ADCY1: variants seen among roughly 807,000 people sequenced by gnomAD.
ADCY1 encodes adenylate cyclase type 1.
Under a neutral mutation model 105.4 loss-of-function variants are expected in ADCY1, and 28 were observed. The ratio of observed to expected loss-of-function variants is 0.27; its 90% CI spans 0.20 to 0.36. The LOEUF (loss-of-function observed/expected upper bound fraction) is 0.36. Among genes scored for constraint, ADCY1 ranks in the 10% least tolerant of loss-of-function variants. The pLI, the probability that ADCY1 is intolerant of heterozygous loss-of-function variation, is 1.00. For synonymous variants in ADCY1, 655 were observed against 623.8 expected (o/e 1.05, Z -0.75); for missense variants, 977 against 1,434.2 (o/e 0.68, Z 5.15).
chr7:45,614,152 T>G (rs962149551), intron 3 of ADCY1, among the ~76,000 whole-genome samples: 6 of 152,172 alleles, frequency 3.9e-5, no homozygotes, highest in African/African-American at 1.2e-4. Context: ...AAATCACTTT[T>G]TATTCTAGCA....
At position 45,660,657 on chromosome 7, in the gene ADCY1, G is replaced by A. The variant is rs545124525; in HGVS notation, c.1449+474G>A. Among the ~76,000 whole-genome samples the A allele has an allele frequency of 7.6e-4, 116 of 152,260 alleles. 1 individual carries two copies. The highest frequency in any genetic ancestry group is 2.7e-3 in the African/African-American group (111 of 41,544). ...GTCACTTTCAGGGTCCATGTGAGGG[G>A]TCAGGCTCAGGTGAGGGTGCAGGAC... On this transcript the variant is annotated intron_variant, in intron 7 of 19. Transcript: ENST00000297323.
At chr7:45,581,370 C>T (rs768114089) in intron 1 of ADCY1, among the ~76,000 whole-genome samples, 12 of 152,142 alleles carry the variant, frequency 7.9e-5, no homozygotes, top group South Asian at 4.1e-4. Context: ...ACAGCTGCAG[C>T]GAGGCGCTGG....
chr7:45,610,256 C>A, intron 2 of ADCY1, 123 bp from the exon 3 acceptor site: 2 of 794,340 alleles, frequency 2.5e-6, no homozygotes, highest in Non-Finnish European at 4.1e-6. Context: ...CAGTGGCAGT[C>A]CAGCCCTGGA....
intron 19 of ADCY1, among the ~76,000 whole-genome samples, chr7:45,713,334 G>A (rs1254679271): frequency 1.3e-5 from 2 of 152,196 alleles, no homozygotes; most frequent in East Asian, 1.9e-4. Context: ...AGCAAGCCCT[G>A]CCCCACTGCC....
In ADCY1 at chr7:45,664,415, A is replaced by G. The variant is rs1018992184; in HGVS notation, c.1605+2201A>G. 7 of 1,535,664 alleles carry G rather than the reference A, an allele frequency of 4.6e-6. No homozygotes were observed. The African/African-American group carries it at 9.6e-5, about 21-fold the overall frequency. Reference sequence around the variant, plus strand: ...CAACAGCCACTGTCACCAGTGCTGCAAGGATGAGCTCCTGCCATCAGCCCT... The same window carrying G: ...CAACAGCCACTGTCACCAGTGCTGCGAGGATGAGCTCCTGCCATCAGCCCT... On this transcript the variant is annotated intron_variant, in intron 8 of 19. Coordinates refer to ENST00000297323, the MANE Select transcript of ADCY1 (RefSeq NM_021116.4).
intron 12 of ADCY1, 39 bp from the exon 13 acceptor site, chr7:45,685,923 C>T: frequency 6.3e-7 from 1 of 1,586,536 alleles, no homozygotes; most frequent in Non-Finnish European, 8.6e-7. Context: ...AGGTCTTCAC[C>T]TGCCCTTTGC....
At chr7:45,580,400 C>T (rs905595463) in intron 1 of ADCY1, among the ~76,000 whole-genome samples, 3 of 152,196 alleles carry the variant, frequency 2.0e-5, no homozygotes, top group African/African-American at 7.2e-5. Flanking sequence ...GCCGGGGCCT[C>T]CCTGCCTCTC....
At chr7:45,704,672 C>A in intron 17 of ADCY1, 56 bp downstream of exon 17, 1 of 1,438,504 alleles carries the variant, frequency 7.0e-7, no homozygotes, top group Non-Finnish European at 9.8e-7. Flanking sequence ...CTGCCCTAAA[C>A]TGCTCTGGGA....
In ADCY1 at chr7:45,647,670, C is replaced by T. The variant is rs553473464; in HGVS notation, c.1021-1000C>T. ...AATCCACTGTCTGCCCTGGAGATGACGGCACCACAGAGGCTCACAGAAGTG... is the reference window on the plus strand; with the variant it reads ...AATCCACTGTCTGCCCTGGAGATGATGGCACCACAGAGGCTCACAGAAGTG... On this transcript the variant is annotated intron_variant, in intron 4 of 19. Transcript: ENST00000297323. This position sits in a 1 kb window ranked among gnomAD's most constrained non-coding sequence, Gnocchi z 4.6. Among the ~76,000 whole-genome samples, 27 of 152,286 alleles carry T rather than the reference C, an allele frequency of 1.8e-4. No individual in the cohort carries two copies. The highest frequency in any genetic ancestry group is 5.5e-4 in the African/African-American group (23 of 41,550).
In ADCY1 at chr7:45,619,163, A is replaced by G. The variant is rs566000872; in HGVS notation, c.909-3469A>G. On this transcript the variant is annotated intron_variant, in intron 3 of 19. Transcript: ENST00000297323. Reference sequence around the variant, plus strand: ...TTTTATATGGAAGCTAAAATAGTTGATCTCTTAGACGTAGGCAGTGGAATA... The same window carrying G: ...TTTTATATGGAAGCTAAAATAGTTGGTCTCTTAGACGTAGGCAGTGGAATA... Among the ~76,000 whole-genome samples, 9 of 152,318 alleles carry G rather than the reference A, an allele frequency of 5.9e-5. No individual in the cohort carries two copies. In the East Asian group the frequency reaches 1.5e-3, roughly 26 times the overall value.
At position 45,584,675 on chromosome 7, in the gene ADCY1, C is replaced by CA. The variant is rs538912788; in HGVS notation, c.640-8083dup. On this transcript the variant is annotated intron_variant, in intron 1 of 19. Coordinates refer to ENST00000297323, the MANE Select transcript of ADCY1 (RefSeq NM_021116.4). ...TGCATTCTATGCTCCCTGTGCCCCC[C>CA]ACCTACCACACAGTCTAGAGCCAGG... 9.0e-4 allele frequency among the ~76,000 whole-genome samples: 137 copies of CA among 152,360 alleles called. 1 individual carries two copies. The highest frequency in any genetic ancestry group is 5.7e-3 in the Admixed American group (88 of 15,308).
chr7:45,712,624 G>A (rs566908956), intron 19 of ADCY1, among the ~76,000 whole-genome samples: 1 of 152,000 alleles, frequency 6.6e-6, no homozygotes, highest in African/African-American at 2.4e-5. Flanking sequence ...CCCAACTCTG[G>A]GTATTAGAAG....
chr7:45,645,994 G>A (rs1315258429), intron 4 of ADCY1, among the ~76,000 whole-genome samples: 1 of 151,268 alleles, frequency 6.6e-6, no homozygotes, highest in Non-Finnish European at 1.5e-5. Flanking sequence ...CAGGGAGGGG[G>A]TGGGAGGTGG....
intron 8 of ADCY1, among the ~76,000 whole-genome samples, chr7:45,677,413 C>G (rs1421506349): frequency 1.3e-5 from 2 of 152,162 alleles, no homozygotes; most frequent in Non-Finnish European, 2.9e-5. Flanking sequence ...GAGGCTCACT[C>G]TCTGTTCCCA....
At chr7:45,629,934 G>A (rs1036834472) in intron 4 of ADCY1, among the ~76,000 whole-genome samples, 5 of 152,226 alleles carry the variant, frequency 3.3e-5, no homozygotes, top group African/African-American at 7.2e-5. Context: ...AGCACTTGAT[G>A]TGGTCAGTCT....
Position 45,686,729 on chromosome 7 carries a change from C to A in ADCY1, c.2454+56C>A. On this transcript the variant is annotated intron_variant, in intron 14 of 19. Transcript: ENST00000297323. The surrounding 1 kb of genome is among the most constrained non-coding windows in gnomAD (Gnocchi z 4.3). Reference sequence around the variant, plus strand: ...TGGGGGATTTAGAGGAGGAAGAAGTCTTCAGCAAGCATCTGACGGGGGCTG... The same window carrying A: ...TGGGGGATTTAGAGGAGGAAGAAGTATTCAGCAAGCATCTGACGGGGGCTG... 3 of 1,552,980 alleles carry A rather than the reference C, an allele frequency of 1.9e-6. No homozygotes were observed. Among genetic ancestry groups the A allele is most frequent in the Non-Finnish European group, 2.6e-6 (3 of 1,146,940 alleles).
At chr7:45,578,725 C>T (rs1247684315) in intron 1 of ADCY1, among the ~76,000 whole-genome samples, 1 of 152,170 alleles carries the variant, frequency 6.6e-6, no homozygotes, top group Non-Finnish European at 1.5e-5. Context: ...CTGTGCCCTG[C>T]ATTGCCTGGG....
At chr7:45,692,691 C>G (rs1784806171) in intron 14 of ADCY1, among the ~76,000 whole-genome samples, 1 of 152,126 alleles carries the variant, frequency 6.6e-6, no homozygotes, top group Non-Finnish European at 1.5e-5. Flanking sequence ...CCTCACCGCC[C>G]CCATCCCAGA....
intron 1 of ADCY1, among the ~76,000 whole-genome samples, chr7:45,587,547 G>A (rs1364310133): frequency 6.6e-6 from 1 of 152,180 alleles, no homozygotes; most frequent in African/African-American, 2.4e-5. Flanking sequence ...TTGGGCAGTG[G>A]CACCTGTCTC....
Sources: gnomAD v4.1 joint callset for allele counts (sites outside exome capture counted in the v4.1 genomes callset) on GRCh38, gnomAD v4.1.1 for gene constraint, Gnocchi (gnomAD v3.1) non-coding constraint, MANE v1.5 for transcripts, NCBI Gene and HGNC (gene_info 2026-07-23, HGNC 2026-07-21) for gene names.